Variants in FBLN5 observed in about 807,000 individuals in gnomAD.
FBLN5 encodes the protein fibulin-5.
In FBLN5, 24 loss-of-function variants were observed where a neutral mutation model predicts 61.6. The observed-to-expected ratio is 0.39, with a 90% CI of 0.28 to 0.55. FBLN5 has a LOEUF of 0.55. Ranked by LOEUF, FBLN5 falls within the 20% of genes least tolerant of loss-of-function variation. The probability of loss-of-function intolerance (pLI) is 0.65; values close to 1 mark genes in which losing one functional copy is unlikely to be tolerated. For synonymous variants in FBLN5, 213 were observed against 219.8 expected, an observed-to-expected ratio of 0.97 and a Z score of 0.27; for missense variants, 470 against 594.1, an observed-to-expected ratio of 0.79 and a Z score of 2.17.
chr14:91,937,211 A>C lies in FBLN5; in HGVS notation c.125-10T>G. ...CGGCATTCATCAATATCTGAAAGGC[A>C]CAGAAAGGGCGAGCATTAGTGGCAC... On this transcript the variant is annotated splice_polypyrimidine_tract_variant and intron_variant, in intron 3 of 10. Coordinates refer to ENST00000342058, the MANE Select transcript of FBLN5 (RefSeq NM_006329.4). 1 of 1,614,092 alleles carries C rather than the reference A, an allele frequency of 6.2e-7. No homozygotes were observed. Among genetic ancestry groups the C allele is most frequent in the East Asian group, 2.2e-5 (1 of 44,884 alleles).
chr14:91,886,829 T>C (rs1030645515), intron 7 of FBLN5, among the ~76,000 whole-genome samples: 9 of 152,176 alleles, frequency 5.9e-5, no homozygotes, highest in Non-Finnish European at 1.3e-4. Context: ...CTGCCCTCTG[T>C]AAGTACTTTC....
chr14:91,900,419 T>C (rs1167272922), intron 4 of FBLN5, among the ~76,000 whole-genome samples: 2 of 152,208 alleles, frequency 1.3e-5, no homozygotes, highest in Non-Finnish European at 2.9e-5. Flanking sequence ...AAATACTTTG[T>C]TTTCATAACA....
chr14:91,945,927 G>A (rs1394730595), intron 1 of FBLN5, among the ~76,000 whole-genome samples: 1 of 152,214 alleles, frequency 6.6e-6, no homozygotes, highest in African/African-American at 2.4e-5. Flanking sequence ...TTTCCAGTCT[G>A]TGTATTATGA....
At chr14:91,915,254 C>T (rs1327234783) in intron 4 of FBLN5, among the ~76,000 whole-genome samples, 2 of 151,556 alleles carry the variant, frequency 1.3e-5, no homozygotes, top group Admixed American at 1.3e-4. Flanking sequence ...AAATAGATAA[C>T]ACAAAGAATG....
chr14:91,898,824 C>A (rs11160031), intron 4 of FBLN5, among the ~76,000 whole-genome samples: 1,812 of 122,564 alleles, frequency 0.015, 48 homozygotes, highest in African/African-American at 0.057. Flanking sequence ...TTTTTTGCGA[C>A]GGAATCTCGC....
intron 2 of FBLN5, among the ~76,000 whole-genome samples, chr14:91,941,828 T>G (rs1248301797): frequency 6.6e-6 from 1 of 152,174 alleles, no homozygotes; most frequent in African/African-American, 2.4e-5. Flanking sequence ...CGATGTATGT[T>G]AATCTATATA....
In FBLN5 at chr14:91,937,162, C is replaced by G; in HGVS notation, c.164G>C (p.Gly55Ala). 6 of 1,614,070 alleles carry G rather than the reference C, an allele frequency of 3.7e-6. No individual in the cohort carries two copies. Among genetic ancestry groups the G allele is most frequent in the Non-Finnish European group, 5.1e-6 (6 of 1,180,020 alleles). Reference protein sequence around the residue: ...ECRTIPEACRGDMMCVNQNGG... With the variant: ...ECRTIPEACRADMMCVNQNGG... ...ATTTTGGTTAACACACATCATGTCTCCTCGGCAGGCCTCGGGGATGGTTCG... is the reference window on the plus strand; with the variant it reads ...ATTTTGGTTAACACACATCATGTCTGCTCGGCAGGCCTCGGGGATGGTTCG... Residue 55 changes from glycine (G) to alanine (A), a missense_variant, in exon 4 of 11, where the codon GGA becomes GCA. By Grantham distance (60) the Gly-to-Ala change is moderately conservative (BLOSUM62 0). Transcript: ENST00000342058.
rs200128392 is a variant in FBLN5, at chr14:91,881,120, TACACACACACAC to T, written c.989+160_989+171del. Among the ~76,000 whole-genome samples, 532 of 61,548 alleles carry T rather than the reference TACACACACACAC, an allele frequency of 8.6e-3. 4 individuals are homozygous for T. The highest frequency in any genetic ancestry group is 0.037 in the African/African-American group (518 of 14,066). 40.4% of individuals were successfully genotyped at this position (61,548 alleles called of 152,430 possible). ...CTATCTATTCTACTCTGTTCTATTC[TACACACACACAC>T]ACACACACACACACACACACACGCA... On this transcript the variant is annotated intron_variant, in intron 9 of 10. Transcript: ENST00000342058.
intron 4 of FBLN5, among the ~76,000 whole-genome samples, chr14:91,921,545 A>C (rs564810405): frequency 2.6e-5 from 4 of 152,342 alleles, no homozygotes; most frequent in African/African-American, 9.6e-5. Context: ...ATCACTCAGA[A>C]GAAAAGACCC....
intron 5 of FBLN5, among the ~76,000 whole-genome samples, chr14:91,894,738 T>C (rs1044452223): frequency 1.1e-3 from 167 of 152,004 alleles, no homozygotes; most frequent in African/African-American, 3.3e-3. Context: ...ATAAATACAT[T>C]CAAAAACTAT....
Position 91,918,230 on chromosome 14 carries a change from T to C in FBLN5, c.379+18717A>G, listed in dbSNP as rs117027088. Among the ~76,000 whole-genome samples the C allele has an allele frequency of 6.8e-3, 1,042 of 152,310 alleles. 2 individuals carry two copies. Among genetic ancestry groups the C allele is most frequent in the Non-Finnish European group, 8.8e-3 (599 of 68,026 alleles). On this transcript the variant is annotated intron_variant, in intron 4 of 10. Transcript: ENST00000342058. ...TTGGGAACAAAGTGCTTCTAAGTGA[T>C]TCGAAGCTTTTCAGAATCAGCCTGC...
chr14:91,947,068 TAAC>T lies in FBLN5; in HGVS notation c.17+142_17+144del, dbSNP rs1160800180. On this transcript the variant is annotated intron_variant, in intron 1 of 10. Coordinates refer to ENST00000342058, the MANE Select transcript of FBLN5 (RefSeq NM_006329.4). This position sits in a 1 kb window ranked among gnomAD's most constrained non-coding sequence, Gnocchi z 4.3. ...TTACAGAGGCGCAGCTTTTTATAAT[TAAC>T]AATATCATTGCATCACTAGCTCATG... The T allele has an allele frequency of 7.8e-6, 12 of 1,537,096 alleles. No homozygotes were observed. In the Admixed American group the frequency reaches 2.4e-4, roughly 30 times the overall value.
At chr14:91,930,202 G>C (rs781634270) in intron 4 of FBLN5, among the ~76,000 whole-genome samples, 39 of 152,286 alleles carry the variant, frequency 2.6e-4, no homozygotes, top group South Asian at 2.1e-4. Context: ...AGCCAGCCTC[G>C]ATGTTAGACA....
intron 6 of FBLN5, among the ~76,000 whole-genome samples, chr14:91,889,369 G>GC (rs887916247): frequency 5.9e-5 from 9 of 152,286 alleles, no homozygotes; most frequent in African/African-American, 1.7e-4. Context: ...AAATGATTCT[G>GC]CCCCCCTGGG....
At chr14:91,880,030 A>C (rs1023188392) in intron 9 of FBLN5, among the ~76,000 whole-genome samples, 1 of 152,240 alleles carries the variant, frequency 6.6e-6, no homozygotes, top group African/African-American at 2.4e-5. Flanking sequence ...GTCCTACTGC[A>C]TTCACCTTTT....
chr14:91,938,908 T>TG (rs2056063323), intron 3 of FBLN5, among the ~76,000 whole-genome samples: 1 of 152,160 alleles, frequency 6.6e-6, no homozygotes, highest in Non-Finnish European at 1.5e-5. Flanking sequence ...ATCGCTGAAA[T>TG]GGGGGGCCAG....
intron 4 of FBLN5, among the ~76,000 whole-genome samples, chr14:91,899,952 A>G (rs1890387513): frequency 6.6e-6 from 1 of 152,210 alleles, no homozygotes; most frequent in Non-Finnish European, 1.5e-5. Context: ...TTCCATTGTG[A>G]CTCACGGACA....
At chr14:91,901,150 T>A (rs376431205) in intron 4 of FBLN5, among the ~76,000 whole-genome samples, 2 of 152,258 alleles carry the variant, frequency 1.3e-5, no homozygotes, top group East Asian at 3.8e-4. Flanking sequence ...GTGTGCCTAA[T>A]GGCCATGTAT....
Position 91,870,341 on chromosome 14 carries a change from G to A in FBLN5, c.1230C>T (p.Ile410=). ...CCAGCTGGATTTCCCGGGGCCCTTT[G>A]ATGGGGCGTGTCATCACCAGGGTGG... is the stretch of plus-strand genomic sequence containing the variant. ...ISATLVMTRP[I]KGPREIQLDL... The change falls in exon 11 of 11, where the codon ATC becomes ATT. Residue 410 remains isoleucine (I), a synonymous_variant. Transcript: ENST00000342058. 6.2e-7 allele frequency: 1 copy of A among 1,614,202 alleles called. No homozygotes were observed.
Sources: gnomAD v4.1 joint callset for allele counts (sites outside exome capture counted in the v4.1 genomes callset) on GRCh38, gnomAD v4.1.1 for gene constraint, Gnocchi (gnomAD v3.1) non-coding constraint, MANE v1.5 for transcripts, NCBI Gene and HGNC (gene_info 2026-07-23, HGNC 2026-07-21) for gene names.